The following TBC1D5 variants were observed in gnomAD, a reference collection of about 807,000 sequenced individuals.
TBC1D5 encodes the protein TBC1 domain family, member 5.
TBC1D5 carries 75 observed loss-of-function variants against 100.3 expected under a neutral mutation model. That is an observed-to-expected ratio of 0.75 (90% CI 0.62 to 0.91). The LOEUF (loss-of-function observed/expected upper bound fraction) is 0.91, where lower values mean the gene tolerates loss of function less well. Among genes scored for constraint, TBC1D5 ranks in the 40% least tolerant of loss-of-function variants. TBC1D5 has a pLI of 0.00. For missense variants in TBC1D5, 910 were observed against 942.4 expected (o/e 0.97, Z 0.45); for synonymous variants, 323 against 325.6 (o/e 0.99, Z 0.09).
At chr3:17,599,568 C>T (rs1044403416) in intron 2 of TBC1D5, among the ~76,000 whole-genome samples, 4 of 152,106 alleles carry the variant, frequency 2.6e-5, no homozygotes, top group African/African-American at 7.2e-5. Context: ...AACAAGAACC[C>T]GGGTACAAAG....
At chr3:17,431,435 A>C (rs1204554495) in intron 3 of TBC1D5, among the ~76,000 whole-genome samples, 2 of 152,012 alleles carry the variant, frequency 1.3e-5, no homozygotes, top group Admixed American at 1.3e-4. Context: ...TATCTAATGT[A>C]AAGTAACCAG....
chr3:17,257,130 T>C (rs187838333), intron 16 of TBC1D5, among the ~76,000 whole-genome samples: 8 of 152,046 alleles, frequency 5.3e-5, no homozygotes, highest in Admixed American at 2.0e-4. Flanking sequence ...TGATATAACC[T>C]GTTATAAATT....
At chr3:17,480,574 G>A (rs2095490513) in intron 3 of TBC1D5, among the ~76,000 whole-genome samples, 1 of 152,168 alleles carries the variant, frequency 6.6e-6, no homozygotes, top group Non-Finnish European at 1.5e-5. Context: ...AACTGCCTGT[G>A]GAAAGGAGCT....
chr3:17,414,985 T>A (rs953039621), intron 4 of TBC1D5, among the ~76,000 whole-genome samples: 1 of 152,186 alleles, frequency 6.6e-6, no homozygotes, highest in Non-Finnish European at 1.5e-5. Flanking sequence ...AGGTAAAGAA[T>A]AGTTCATTGC....
chr3:17,311,786 T>A (rs1317884483), intron 13 of TBC1D5, among the ~76,000 whole-genome samples: 1 of 152,082 alleles, frequency 6.6e-6, no homozygotes, highest in East Asian at 1.9e-4. Flanking sequence ...ACATTCAATT[T>A]AACACACATT....
chr3:17,678,240 A>G (rs2153804224), intron 1 of TBC1D5, among the ~76,000 whole-genome samples: 1 of 152,322 alleles, frequency 6.6e-6, no homozygotes, highest in Non-Finnish European at 1.5e-5. Context: ...ATGTGGCACA[A>G]TAAGTGCTCT....
chr3:17,251,427 C>CA (rs1491180943), intron 16 of TBC1D5, among the ~76,000 whole-genome samples: 2 of 26,926 alleles, frequency 7.4e-5, no homozygotes, highest in Non-Finnish European at 1.5e-4. Flanking sequence ...TCACGGGAAC[C>CA]CCCCCCCCCC....
intron 2 of TBC1D5, among the ~76,000 whole-genome samples, chr3:17,592,542 T>C (rs2060296498): frequency 6.6e-6 from 1 of 152,206 alleles, no homozygotes; most frequent in African/African-American, 2.4e-5. Context: ...GTGGATCTAT[T>C]TGGATTTTGG....
chr3:17,683,015 T>G lies in TBC1D5; in HGVS notation c.-101+56328A>C, dbSNP rs571923617. 1.7e-4 allele frequency among the ~76,000 whole-genome samples: 26 copies of G among 151,602 alleles called. 1 individual carries two copies. The highest frequency in any genetic ancestry group is 6.4e-4 in the African/African-American group (26 of 40,908). On this transcript the variant is annotated intron_variant, in intron 1 of 21. Transcript: ENST00000253692. Reference sequence around the variant, plus strand: ...TAAAGTAGAAAACAGGTTGGAAAGATCTTTTCCTCTTAGTCTCATACTAAT... The same window carrying G: ...TAAAGTAGAAAACAGGTTGGAAAGAGCTTTTCCTCTTAGTCTCATACTAAT...
chr3:17,428,382 C>G (rs2094382055), intron 4 of TBC1D5, 68 bp downstream of exon 4: 1 of 501,622 alleles, frequency 2.0e-6, no homozygotes, highest in African/African-American at 2.2e-5. Flanking sequence ...TATACATTAT[C>G]TTATAATATT....
In TBC1D5 at chr3:17,591,265, AAC is replaced by A. The variant is rs1560228261; in HGVS notation, c.-36+32582_-36+32583del. 3.0e-3 allele frequency among the ~76,000 whole-genome samples: 328 copies of A among 109,142 alleles called. 37 individuals are homozygous for A. The highest frequency in any genetic ancestry group is 7.8e-3 in the African/African-American group (181 of 23,350). 71.6% of individuals were successfully genotyped at this position (109,142 alleles called of 152,430 possible). ...AAAAAAAAAAAAAAAAAAAAAAAAAAACAAAAACCCCAGAGAATCATGGCCCC... is the reference window on the plus strand; with the variant it reads ...AAAAAAAAAAAAAAAAAAAAAAAAAAAAAAACCCCAGAGAATCATGGCCCC... On this transcript the variant is annotated intron_variant, in intron 2 of 21. Coordinates refer to ENST00000253692, the Ensembl canonical transcript of TBC1D5.
rs536622479 is a variant in TBC1D5 at position 17,499,674 on chromosome 3, T to TG, written c.97+8799dup. ...TTGTACCACTGCCTGTGTGAAAAAG[T>TG]GAAACACTGTCTCCAAAAAAAAAAA... On this transcript the variant is annotated intron_variant, in intron 3 of 21. Coordinates refer to ENST00000253692, the Ensembl canonical transcript of TBC1D5. Among the ~76,000 whole-genome samples the TG allele has an allele frequency of 5.1e-4, 74 of 144,618 alleles. 2 individuals are homozygous for TG. The East Asian group carries it at 0.013, about 25-fold the overall frequency. The allele number at this position is 144,618 out of a possible 152,430, so 94.9% of individuals were successfully genotyped here. A position where few individuals can be genotyped will look rare whatever the true frequency, so the allele number is the denominator to read the frequency against.
At chr3:17,198,710 A>C (rs2071054662) in intron 18 of TBC1D5, among the ~76,000 whole-genome samples, 1 of 152,208 alleles carries the variant, frequency 6.6e-6, no homozygotes, top group Non-Finnish European at 1.5e-5. Context: ...TGGGAAGGGC[A>C]GGGCAGGTCA....
intron 16 of TBC1D5, among the ~76,000 whole-genome samples, chr3:17,252,301 A>C (rs2077244560): frequency 6.6e-6 from 1 of 152,212 alleles, no homozygotes. Flanking sequence ...GGAAGAAACC[A>C]AGATTAGTTC....
intron 2 of TBC1D5, among the ~76,000 whole-genome samples, chr3:17,608,521 T>C (rs1055717169): frequency 1.3e-5 from 2 of 152,236 alleles, no homozygotes; most frequent in Non-Finnish European, 2.9e-5. Flanking sequence ...TCATTTAGTA[T>C]GTCTGCTTTC....
intron 2 of TBC1D5, among the ~76,000 whole-genome samples, chr3:17,533,930 C>T (rs2096258756): frequency 1.4e-5 from 2 of 141,346 alleles, no homozygotes; most frequent in Admixed American, 1.4e-4. Flanking sequence ...CATATTGAAC[C>T]TTCAAAGAAT....
At chr3:17,266,908 T>C (rs1182421976) in intron 15 of TBC1D5, among the ~76,000 whole-genome samples, 6 of 151,806 alleles carry the variant, frequency 4.0e-5, no homozygotes, top group Non-Finnish European at 8.8e-5. Context: ...AAAGAAAATT[T>C]AGAAGAGAAA....
chr3:17,500,437 T>C (rs1157181450), intron 3 of TBC1D5, among the ~76,000 whole-genome samples: 1 of 149,790 alleles, frequency 6.7e-6, no homozygotes, highest in Non-Finnish European at 1.5e-5. Context: ...ATGTTCATCA[T>C]TGATATTTAA....
intron 13 of TBC1D5, among the ~76,000 whole-genome samples, chr3:17,343,256 T>C (rs1428963171): frequency 1.3e-5 from 2 of 152,140 alleles, no homozygotes; most frequent in African/African-American, 4.8e-5. Flanking sequence ...TCTGTTTATA[T>C]GCTGTATTAC....
Sources: gnomAD v4.1 joint callset for allele counts (sites outside exome capture counted in the v4.1 genomes callset) on GRCh38, gnomAD v4.1.1 for gene constraint, MANE v1.5 for transcripts, NCBI Gene and HGNC (gene_info 2026-07-23, HGNC 2026-07-21) for gene names.